Variants in CSF2RA observed in about 807,000 individuals in gnomAD.
The protein encoded by CSF2RA is granulocyte-macrophage colony-stimulating factor receptor subunit alpha.
In CSF2RA, 42 loss-of-function variants were observed where a neutral mutation model predicts 51.6. The observed-to-expected ratio is 0.81, with a 90% CI of 0.64 to 1.05. CSF2RA has a LOEUF of 1.05. Among genes scored for constraint, CSF2RA ranks in the 50% least tolerant of loss-of-function variants. The pLI, the probability that CSF2RA is intolerant of heterozygous loss-of-function variation, is 0.00. For missense variants in CSF2RA, 530 were observed against 501.1 expected, an observed-to-expected ratio of 1.06 and a Z score of -0.55; for synonymous variants, 222 against 193.0, an observed-to-expected ratio of 1.15 and a Z score of -1.24.
At chrX:1,318,737 G>A in the CSF2RA span, among the ~76,000 whole-genome samples, 11 of 151,078 alleles carry the variant, frequency 7.3e-5, no homozygotes, top group African/African-American at 2.7e-4. Context: ...CTAACACGGT[G>A]AAACCCCATC....
chrX:1,292,830 G>A (rs189038485), intron 7 of CSF2RA, among the ~76,000 whole-genome samples: 14 of 152,176 alleles, frequency 9.2e-5, no homozygotes, highest in East Asian at 5.8e-4. Flanking sequence ...CTTCCTCCTC[G>A]GCACAGACCC....
intron 4 of CSF2RA, chrX:1,287,247 G>T (rs751046584): frequency 1.3e-5 from 2 of 149,468 alleles, no homozygotes; most frequent in Non-Finnish European, 2.9e-5. Context: ...TCCACCTCCT[G>T]GGTTCAAGCG....
At chrX:1,320,111 G>C in the CSF2RA span, among the ~76,000 whole-genome samples, 1 of 151,918 alleles carries the variant, frequency 6.6e-6, no homozygotes, top group African/African-American at 2.4e-5. Context: ...TAGCCAGGAT[G>C]GTCTCGATCT....
intron 10 of CSF2RA, among the ~76,000 whole-genome samples, chrX:1,301,602 T>C (rs1268712508): frequency 1.3e-4 from 19 of 144,294 alleles, no homozygotes; most frequent in Admixed American, 4.2e-4. Context: ...TTTCTTTTTT[T>C]TTTTTTTTTT....
intron 9 of CSF2RA, among the ~76,000 whole-genome samples, chrX:1,296,172 C>A (rs1347771381): frequency 2.0e-5 from 3 of 151,218 alleles, no homozygotes; most frequent in Non-Finnish European, 4.4e-5. Flanking sequence ...GTCCCCTAGT[C>A]ACTACACCTA....
At chrX:1,324,451 AAAAAG>A in the CSF2RA span, among the ~76,000 whole-genome samples, 2 of 71,204 alleles carry the variant, frequency 2.8e-5, no homozygotes, top group Non-Finnish European at 7.6e-5. Context: ...AAAAAGAAAG[AAAAAG>A]AAAGAGAAAG....
At chrX:1,307,493 A>G (rs28485570) in intron 12 of CSF2RA, among the ~76,000 whole-genome samples, 87 of 21,854 alleles carry the variant, frequency 4.0e-3, no homozygotes, top group African/African-American at 0.012. Flanking sequence ...CAACTGATTA[A>G]ATGAGGCCCA....
the CSF2RA span, among the ~76,000 whole-genome samples, chrX:1,317,442 G>T: frequency 6.8e-6 from 1 of 147,722 alleles, no homozygotes; most frequent in Non-Finnish European, 1.5e-5. Flanking sequence ...GTAGAGACGG[G>T]CTTTCTCCAC....
chrX:1,286,364 T>C (rs1186327182), intron 4 of CSF2RA, among the ~76,000 whole-genome samples: 1 of 150,740 alleles, frequency 6.6e-6, no homozygotes, highest in Non-Finnish European at 1.5e-5. Flanking sequence ...AGGTCAGGAG[T>C]TCAAGACCAG....
chrX:1,285,715 AAAAAAAAAAAAAAAAAGG>A (rs1312403788), intron 3 of CSF2RA, 45 bp from the exon 4 acceptor site: 11 of 1,292,058 alleles, frequency 8.5e-6, no homozygotes, highest in Non-Finnish European at 1.1e-5. Flanking sequence ...AAAAAAAAAA[AAAAAAAAAAAAAAAAAGG>A]AAAAGAAAAG....
At chrX:1,306,855 A>G (rs56332712) in intron 12 of CSF2RA, among the ~76,000 whole-genome samples, 25,435 of 150,356 alleles carry the variant, frequency 0.17, 2,244 homozygotes, top group Non-Finnish European at 0.19. Flanking sequence ...AGGTGGACAC[A>G]GAGAGGGGAG....
chrX:1,298,764 A>G (rs1288761872), intron 9 of CSF2RA, among the ~76,000 whole-genome samples: 1 of 150,926 alleles, frequency 6.6e-6, no homozygotes, highest in African/African-American at 2.4e-5. Context: ...CCCCCAGTGT[A>G]ACCCTATAGT....
chrX:1,275,957 T>A (rs1221774502), intron 2 of CSF2RA, among the ~76,000 whole-genome samples: 1 of 151,996 alleles, frequency 6.6e-6, no homozygotes, highest in African/African-American at 2.4e-5. Flanking sequence ...CCTCCCAAAG[T>A]GCTGGGATTA....
chrX:1,316,744 G>A, the CSF2RA span, among the ~76,000 whole-genome samples: 5 of 152,152 alleles, frequency 3.3e-5, no homozygotes, highest in Admixed American at 6.6e-5. Context: ...CCGTGCCTGC[G>A]TCTCTCATCC....
In CSF2RA at chrX:1,288,799, C is replaced by G; in HGVS notation, c.384C>G (p.Ile128Met). 1 of 1,613,944 alleles carries G rather than the reference C, an allele frequency of 6.2e-7. No individual in the cohort carries two copies. The highest frequency in any genetic ancestry group is 8.5e-7 in the Non-Finnish European group (1 of 1,179,874). ...CTGCTCAGAATTTCTCCTGTTTCAT[C>G]TACAATGCGGATTTAATGAACTGTA... is the stretch of plus-strand genomic sequence containing the variant. ...GTAAQNFSCF[I>M]YNADLMNCTW... Residue 128 changes from isoleucine (I) to methionine (M), a missense_variant, in exon 6 of 13, where the codon ATC becomes ATG. Transcript: ENST00000381529.
chrX:1,295,825 C>T (rs2091889175), intron 9 of CSF2RA, among the ~76,000 whole-genome samples: 1 of 150,770 alleles, frequency 6.6e-6, no homozygotes, highest in Non-Finnish European at 1.5e-5. Flanking sequence ...GCCCCACGTC[C>T]ACCTAGCTTA....
At chrX:1,274,107 A>G (rs1299517949) in intron 1 of CSF2RA, among the ~76,000 whole-genome samples, 1 of 152,122 alleles carries the variant, frequency 6.6e-6, no homozygotes, top group Non-Finnish European at 1.5e-5. Context: ...AAAAAGTATA[A>G]GCGGTACAGA....
In CSF2RA at chrX:1,301,350, A is replaced by AAG. The variant is rs1556559052; in HGVS notation, c.946+725_946+726insGA. ...CTGTCTCAAAAAAAAAAAAAAAAAA[A>AAG]AAAAGAAAAAGTAGAAGGAGGTGGT... On this transcript the variant is annotated intron_variant, in intron 10 of 12. Transcript: ENST00000381529. Among the ~76,000 whole-genome samples, 776 of 146,740 alleles carry AAG rather than the reference A, an allele frequency of 5.3e-3. 3 individuals carry two copies. The highest frequency in any genetic ancestry group is 0.019 in the African/African-American group (724 of 38,178).
intron 9 of CSF2RA, among the ~76,000 whole-genome samples, chrX:1,296,016 G>A (rs181111806): frequency 1.4e-5 from 2 of 147,972 alleles, no homozygotes; most frequent in Middle Eastern, 3.6e-3. Flanking sequence ...TCCTACTCAC[G>A]ACGCCTACAG....
Sources: allele counts gnomAD v4.1 joint callset (sites outside exome capture counted in the v4.1 genomes callset), GRCh38; gene constraint gnomAD v4.1.1; transcripts MANE v1.5; gene names NCBI Gene and HGNC (gene_info 2026-07-23, HGNC 2026-07-21).